Variants in HCRTR1 observed in about 807,000 individuals in gnomAD.
HCRTR1 encodes hypocretin receptor 1.
HCRTR1 carries 28 observed loss-of-function variants against 40.6 expected under a neutral mutation model. That is an observed-to-expected ratio of 0.69 (90% CI 0.51 to 0.95). The LOEUF is 0.95. HCRTR1 is among the 40% of genes least tolerant of loss of function. The probability of loss-of-function intolerance (pLI) is 0.00; values close to 1 mark genes in which losing one functional copy is unlikely to be tolerated. For synonymous variants in HCRTR1, 209 were observed against 230.0 expected, an observed-to-expected ratio of 0.91 and a Z score of 0.83; for missense variants, 482 against 564.7, an observed-to-expected ratio of 0.85 and a Z score of 1.48.
Position 31,623,038 on chromosome 1 carries a change from G to A in HCRTR1, c.739-485G>A, listed in dbSNP as rs1396640430. On this transcript the variant is annotated intron_variant, in intron 6 of 8. Transcript: ENST00000403528. Reference sequence around the variant, plus strand: ...GTTTCACAAAGAGCTAATGGAAAATGAAAGTCTAGGCTGGGCGCAGTGGCT... The same window carrying A: ...GTTTCACAAAGAGCTAATGGAAAATAAAAGTCTAGGCTGGGCGCAGTGGCT... 2.0e-5 allele frequency among the ~76,000 whole-genome samples: 3 copies of A among 152,150 alleles called. No homozygotes were observed. The East Asian group carries it at 5.8e-4, about 29-fold the overall frequency.
At chr1:31,617,960 T>G (rs1213261158) in intron 1 of HCRTR1, 79 bp downstream of exon 1, 1 of 151,618 alleles carries the variant, frequency 6.6e-6, no homozygotes, top group Non-Finnish European at 1.5e-5. Flanking sequence ...GAGCCAAGAG[T>G]CTCGGGGGGT....
rs1426474145 is a variant in HCRTR1, at chr1:31,620,987, A to G, written c.523A>G (p.Ile175Val). The G allele has an allele frequency of 1.9e-6, 3 of 1,613,982 alleles. No homozygotes were observed. Among genetic ancestry groups the G allele is most frequent in the East Asian group, 2.2e-5 (1 of 44,882 alleles). The change falls in exon 5 of 9, where the codon ATC becomes GTC. Residue 175 changes from isoleucine to valine, a missense_variant. Physicochemically the swap from Ile to Val is conservative, Grantham distance 29 (BLOSUM62 3). Coordinates refer to ENST00000403528, the MANE Select transcript of HCRTR1 (RefSeq NM_001525.3). ...GGGCATCTGGGCTGTGTCGCTGGCC[A>G]TCATGGTGCCCCAGGCTGCAGTCAT... ...ILGIWAVSLAIMVPQAAVMEC... is the reference protein window; with the variant it reads ...ILGIWAVSLAVMVPQAAVMEC...
chr1:31,625,604 A>T lies in HCRTR1; in HGVS notation c.1087+486A>T, dbSNP rs914540713. The stretch of plus-strand genomic sequence containing the variant: ...GGAAGGGCTTCGCCGGCTCAGCTAG[A>T]CACACTGGCAGAGTGACCGGAATCT... On this transcript the variant is annotated intron_variant, in intron 8 of 8. Coordinates refer to ENST00000403528, the MANE Select transcript of HCRTR1 (RefSeq NM_001525.3). The surrounding 1 kb of genome is among the most constrained non-coding windows in gnomAD (Gnocchi z 4.2). 2.0e-5 allele frequency among the ~76,000 whole-genome samples: 3 copies of T among 152,172 alleles called. No individual in the cohort carries two copies. Among genetic ancestry groups the T allele is most frequent in the African/African-American group, 7.2e-5 (3 of 41,436 alleles).
chr1:31,619,775 A>C (rs1639813765), intron 4 of HCRTR1, 65 bp downstream of exon 4: 9 of 1,463,162 alleles, frequency 6.2e-6, no homozygotes, highest in Non-Finnish European at 8.3e-6. Flanking sequence ...ACGGCCTTGC[A>C]TAGGTCTCAG....
intron 4 of HCRTR1, among the ~76,000 whole-genome samples, chr1:31,620,477 G>T (rs1349790728): frequency 2.0e-5 from 3 of 152,176 alleles, no homozygotes; most frequent in African/African-American, 7.2e-5. Context: ...CTGTAACAGG[G>T]GGGCAAGAGC....
At chr1:31,633,979 C>CA (rs1023073439), downstream of HCRTR1, among the ~76,000 whole-genome samples, 16 of 151,264 alleles carry the variant, frequency 1.1e-4, no homozygotes, top group African/African-American at 2.4e-4. Context: ...CAAAAAAACC[C>CA]AAAAAAAACA....
downstream of HCRTR1, chr1:31,630,562 A>G (rs1178919244): frequency 6.5e-7 from 1 of 1,538,642 alleles, no homozygotes; most frequent in African/African-American, 1.4e-5. Context: ...CTCTCACTCT[A>G]AGAAGCCAGG....
chr1:31,629,590 T>C (rs1640039039), downstream of HCRTR1, among the ~76,000 whole-genome samples: 1 of 152,068 alleles, frequency 6.6e-6, no homozygotes, highest in Non-Finnish European at 1.5e-5. Flanking sequence ...AAGTTTGAGG[T>C]AGCTGCTTTC....
chr1:31,624,311 T>G (rs1557579151), intron 7 of HCRTR1, among the ~76,000 whole-genome samples: 1 of 151,984 alleles, frequency 6.6e-6, no homozygotes, highest in Admixed American at 6.6e-5. Flanking sequence ...TTCAAAAAAT[T>G]AGCCAGCCAT....
chr1:31,630,119 A>C, downstream of HCRTR1: 1 of 183,994 alleles, frequency 5.4e-6, no homozygotes, highest in Non-Finnish European at 1.2e-5. Flanking sequence ...ACACACAAGG[A>C]TTTATGGGTG....
chr1:31,621,863 T>C (rs1639864951), intron 6 of HCRTR1, among the ~76,000 whole-genome samples: 1 of 152,218 alleles, frequency 6.6e-6, no homozygotes, highest in Non-Finnish European at 1.5e-5. Context: ...TTAGCCACCA[T>C]ATATTACCCA....
chr1:31,624,043 G>A (rs931864693), intron 7 of HCRTR1, among the ~76,000 whole-genome samples: 1 of 152,204 alleles, frequency 6.6e-6, no homozygotes, highest in African/African-American at 2.4e-5. Context: ...GTAAATAGAA[G>A]AATCAATGTA....
chr1:31,633,620 G>A (rs1640176147), downstream of HCRTR1, among the ~76,000 whole-genome samples: 1 of 152,178 alleles, frequency 6.6e-6, no homozygotes, highest in Non-Finnish European at 1.5e-5. Context: ...AGAATTCTCT[G>A]GAAAAGGTAA....
rs201360185 is a variant in HCRTR1, at chr1:31,623,661, C to T, written c.877C>T (p.Arg293Trp). The change falls in exon 7 of 9, where the codon CGG (arginine) becomes TGG (tryptophan). Residue 293 changes from arginine (R) to tryptophan (W), a missense_variant. Transcript: ENST00000403528. ...FLAEVKQMRA[R>W]RKTAKMLMVV... ...GGCTGAAGTGAAGCAGATGCGTGCA[C>T]GGAGGAAGACAGCCAAGATGCTGAT... 9 of 1,613,962 alleles carry T rather than the reference C, an allele frequency of 5.6e-6. No homozygotes were observed. The highest frequency in any genetic ancestry group is 2.2e-5 in the East Asian group (1 of 44,900).
chr1:31,621,151 G>C, intron 5 of HCRTR1, 65 bp downstream of exon 5: 1 of 1,547,458 alleles, frequency 6.5e-7, no homozygotes, highest in Non-Finnish European at 8.7e-7. Context: ...GTACCCCTAG[G>C]ACAGGCATCT....
chr1:31,619,492 T>A lies in HCRTR1; in HGVS notation c.200-40T>A, dbSNP rs777846740. The A allele has an allele frequency of 9.3e-6, 15 of 1,613,138 alleles. No individual in the cohort carries two copies. The African/African-American group carries it at 1.7e-4, about 19-fold the overall frequency. On this transcript the variant is annotated intron_variant, in intron 3 of 8. Transcript: ENST00000403528. The stretch of plus-strand genomic sequence containing the variant: ...GCTGATTAGGCAGAACTAGGATGGG[T>A]GTGGCTCTGCCACCAGCTTCACCTC...
Position 31,623,626 on chromosome 1 carries a change from G to A in HCRTR1, c.842G>A (p.Arg281His), listed in dbSNP as rs41439244. 7.1e-4 allele frequency: 1,151 copies of A among 1,613,918 alleles called. 1 individual carries two copies. Among genetic ancestry groups the A allele is most frequent in the Non-Finnish European group, 7.2e-4 (855 of 1,180,030 alleles). The change falls in exon 7 of 9, where the codon CGC becomes CAC. Residue 281 changes from arginine (R) to histidine (H), a missense_variant. Physicochemically the swap from Arg to His is conservative, Grantham distance 29. Coordinates refer to ENST00000403528, the MANE Select transcript of HCRTR1 (RefSeq NM_001525.3). ...GLSGEPQPRARAFLAEVKQMR... is the reference protein window; with the variant it reads ...GLSGEPQPRAHAFLAEVKQMR... ...AGTGGAGAGCCCCAGCCCCGGGCCCGCGCCTTCCTGGCTGAAGTGAAGCAG... is the reference window on the plus strand; with the variant it reads ...AGTGGAGAGCCCCAGCCCCGGGCCCACGCCTTCCTGGCTGAAGTGAAGCAG...
chr1:31,624,874 A>G, intron 7 of HCRTR1, 123 bp from the exon 8 acceptor site: 1 of 1,071,518 alleles, frequency 9.3e-7, no homozygotes, highest in Non-Finnish European at 1.3e-6. Context: ...AGGCCAGGAA[A>G]CGTGGACAGA....
In HCRTR1 at chr1:31,621,051, C is replaced by T; in HGVS notation, c.587C>T (p.Thr196Ile). 5 of 1,611,284 alleles carry T rather than the reference C, an allele frequency of 3.1e-6. No homozygotes were observed. Among genetic ancestry groups the T allele is most frequent in the Non-Finnish European group, 4.2e-6 (5 of 1,179,946 alleles). Residue 196 changes from threonine (T) to isoleucine (I), a missense_variant, in exon 5 of 9, where the codon ACA (threonine) becomes ATA (isoleucine). Thr to Ile is a moderately conservative substitution (Grantham distance 89). Transcript: ENST00000403528. Reference sequence around the variant, plus strand: ...GTGCTGCCTGAGCTAGCCAACCGCACACGGCTCTTCTCAGTCTGTGATGAA... The same window carrying T: ...GTGCTGCCTGAGCTAGCCAACCGCATACGGCTCTTCTCAGTCTGTGATGAA... ...SSVLPELANR[T>I]RLFSVCDERW...
Sources: allele counts gnomAD v4.1 joint callset (sites outside exome capture counted in the v4.1 genomes callset), GRCh38; gene constraint gnomAD v4.1.1; non-coding constraint Gnocchi (gnomAD v3.1); transcripts MANE v1.5; gene names NCBI Gene and HGNC (gene_info 2026-07-23, HGNC 2026-07-21).